DOP1B: variants seen among roughly 807,000 people sequenced by gnomAD.
DOP1B encodes the protein protein DOP1B.
DOP1B carries 174 observed loss-of-function variants against 233.5 expected under a neutral mutation model. The observed-to-expected ratio is 0.75, with a 90% confidence interval of 0.66 to 0.85. The LOEUF (loss-of-function observed/expected upper bound fraction) is 0.85. DOP1B is among the 40% of genes least tolerant of loss of function. The pLI is 0.00. For missense variants in DOP1B, 2,652 were observed against 2,846.6 expected, an observed-to-expected ratio of 0.93 and a Z score of 1.56; for synonymous variants, 1,190 against 1,185.6, an observed-to-expected ratio of 1.00 and a Z score of -0.08.
chr21:36,176,105 T>TGTGTATGTGTGTGTGTGTGTGC (rs1569001028), intron 2 of DOP1B, among the ~76,000 whole-genome samples: 6 of 151,520 alleles, frequency 4.0e-5, no homozygotes, highest in African/African-American at 1.5e-4. Context: ...TGCGTGTGTG[T>TGTGTATGTGTGTGTGTGTGTGC]GTGTGTGTGT....
chr21:36,240,442 T>G (rs1318632556), intron 18 of DOP1B, among the ~76,000 whole-genome samples: 1 of 152,214 alleles, frequency 6.6e-6, no homozygotes, highest in Non-Finnish European at 1.5e-5. Flanking sequence ...ATGGTGCCAC[T>G]GCACTCCAGC....
intron 5 of DOP1B, 43 bp from the exon 6 acceptor site, chr21:36,211,510 A>G (rs2066498200): frequency 1.3e-6 from 2 of 1,576,338 alleles, no homozygotes; most frequent in African/African-American, 2.7e-5. Flanking sequence ...TTATGACCAT[A>G]AAGAGTAGCC....
chr21:36,191,181 G>C (rs899905690), intron 2 of DOP1B, among the ~76,000 whole-genome samples: 2 of 151,910 alleles, frequency 1.3e-5, no homozygotes, highest in African/African-American at 2.4e-5. Flanking sequence ...GAGCGGAAGA[G>C]TGTCGTTGGG....
At chr21:36,273,939 G>A (rs986970299) in intron 27 of DOP1B, among the ~76,000 whole-genome samples, 2 of 152,052 alleles carry the variant, frequency 1.3e-5, no homozygotes, top group African/African-American at 4.8e-5. Context: ...TTAGCCGGGT[G>A]TGGTGGCAGG....
At chr21:36,166,936 A>G (rs939791563) in intron 2 of DOP1B, among the ~76,000 whole-genome samples, 3 of 152,192 alleles carry the variant, frequency 2.0e-5, no homozygotes, top group African/African-American at 7.2e-5. Flanking sequence ...GGGTGGATAA[A>G]TGTTTCTAAG....
At chr21:36,165,085 A>G (rs2065896840) in intron 2 of DOP1B, among the ~76,000 whole-genome samples, 1 of 152,104 alleles carries the variant, frequency 6.6e-6, no homozygotes, top group African/African-American at 2.4e-5. Context: ...GAAAAAAACC[A>G]CTCATAATTC....
chr21:36,240,372 CAGGAGGCTG>C (rs1569043585), intron 18 of DOP1B, among the ~76,000 whole-genome samples: 1 of 152,040 alleles, frequency 6.6e-6, no homozygotes, highest in Non-Finnish European at 1.5e-5. Context: ...CCCAGCTACT[CAGGAGGCTG>C]AGGCAGGAGA....
intron 20 of DOP1B, 133 bp from the exon 21 acceptor site, chr21:36,248,247 A>G (rs1569049808): frequency 2.4e-6 from 2 of 820,816 alleles, no homozygotes; most frequent in Non-Finnish European, 3.8e-6. Context: ...TTGCTCCCAG[A>G]CCACCACATG....
chr21:36,265,359 G>T (rs929356189), intron 26 of DOP1B, among the ~76,000 whole-genome samples: 2 of 152,172 alleles, frequency 1.3e-5, no homozygotes, highest in Non-Finnish European at 2.9e-5. Flanking sequence ...TCTCACCACC[G>T]TACTCCAGCC....
intron 2 of DOP1B, among the ~76,000 whole-genome samples, chr21:36,187,210 C>A (rs1472681036): frequency 1.4e-5 from 2 of 145,832 alleles, no homozygotes; most frequent in East Asian, 2.1e-4. Context: ...CCCTCCCTTC[C>A]CCTCCTCTCC....
chr21:36,216,974 C>T (rs2066566799), intron 9 of DOP1B, among the ~76,000 whole-genome samples: 2 of 150,850 alleles, frequency 1.3e-5, no homozygotes, highest in African/African-American at 4.9e-5. Context: ...ACTTGGGAGG[C>T]TGAGGCACAA....
chr21:36,221,228 C>T (rs2066618929), intron 10 of DOP1B, among the ~76,000 whole-genome samples: 1 of 152,122 alleles, frequency 6.6e-6, no homozygotes, highest in Non-Finnish European at 1.5e-5. Context: ...TGCAGTGGCT[C>T]ACGCCTGTAA....
chr21:36,225,440 A>C lies in DOP1B; in HGVS notation c.1371-125A>C, dbSNP rs560884449. On this transcript the variant is annotated intron_variant, in intron 11 of 36. Coordinates refer to ENST00000691173, the MANE Select transcript of DOP1B (RefSeq NM_001320714.2). ...GAGATGGGGTTTCACCATGTTGCCC[A>C]GGCTGGTCTCAGACTCCTGAGCTCA... 4.1e-5 allele frequency: 42 copies of C among 1,033,924 alleles called. 2 individuals are homozygous for C. The highest frequency in any genetic ancestry group is 1.8e-4 in the South Asian group (12 of 67,832). 64.0% of individuals were successfully genotyped at this position (1,033,924 alleles called of 1,614,324 possible). A position where few individuals can be genotyped will look rare whatever the true frequency, so the allele number is the denominator to read the frequency against.
intron 4 of DOP1B, among the ~76,000 whole-genome samples, chr21:36,203,799 CT>C (rs530331400): frequency 1.6e-4 from 24 of 151,910 alleles, no homozygotes; most frequent in African/African-American, 5.1e-4. Flanking sequence ...CTTTTGGCCC[CT>C]GTTAGAACTT....
At chr21:36,270,912 C>CAAAAAA (rs71326665) in intron 27 of DOP1B, among the ~76,000 whole-genome samples, 1 of 127,794 alleles carries the variant, frequency 7.8e-6, no homozygotes. Context: ...GACTACACCT[C>CAAAAAA]AAAAAAAAAA....
rs138787675 is a variant in DOP1B at position 36,238,671 on chromosome 21, G to A, written c.2846G>A (p.Arg949Gln). The A allele has an allele frequency of 2.4e-5, 38 of 1,614,088 alleles. No individual in the cohort carries two copies. The highest frequency in any genetic ancestry group is 1.9e-4 in the South Asian group (17 of 91,094). The change falls in exon 17 of 37, where the codon CGA (arginine) becomes CAA (glutamine). Residue 949 changes from arginine to glutamine, a missense_variant. By Grantham distance (43) the Arg-to-Gln change is conservative. Coordinates refer to ENST00000691173, the MANE Select transcript of DOP1B (RefSeq NM_001320714.2). ...WHLTREIQGS[R>Q]VTSHNRSFDR... The stretch of plus-strand genomic sequence containing the variant: ...CTGACAAGAGAGATCCAAGGCAGTC[G>A]AGTAACATCTCACAATCGCTCCTTT...
At chr21:36,227,311 G>T (rs929783985) in intron 12 of DOP1B, among the ~76,000 whole-genome samples, 1 of 152,020 alleles carries the variant, frequency 6.6e-6, no homozygotes, top group Non-Finnish European at 1.5e-5. Flanking sequence ...ACTTTGGGAG[G>T]CCAAGGTGGA....
chr21:36,257,523 C>T (rs1489694175), intron 23 of DOP1B, among the ~76,000 whole-genome samples: 1 of 151,812 alleles, frequency 6.6e-6, no homozygotes, highest in Non-Finnish European at 1.5e-5. Flanking sequence ...TGGGGCAGGT[C>T]AAAGGAGGGC....
At chr21:36,276,708 G>A (rs2067352728) in intron 27 of DOP1B, among the ~76,000 whole-genome samples, 1 of 151,854 alleles carries the variant, frequency 6.6e-6, no homozygotes, top group Non-Finnish European at 1.5e-5. Flanking sequence ...AGGCATGGTG[G>A]CACATGCCTG....
Sources: gnomAD v4.1 joint callset for allele counts (sites outside exome capture counted in the v4.1 genomes callset) on GRCh38, gnomAD v4.1.1 for gene constraint, MANE v1.5 for transcripts, NCBI Gene and HGNC (gene_info 2026-07-23, HGNC 2026-07-21) for gene names.